The following TCF12 variants were observed in gnomAD, a reference collection of about 807,000 sequenced individuals.
The protein encoded by TCF12 is transcription factor 12, also known as DNA-binding protein HTF4.
Under a neutral mutation model 86.0 loss-of-function variants are expected in TCF12, and 45 were observed. The observed-to-expected ratio is 0.52, with a 90% CI of 0.41 to 0.67. The LOEUF (loss-of-function observed/expected upper bound fraction) is 0.67, where lower values mean the gene tolerates loss of function less well. TCF12 is among the 30% of genes least tolerant of loss of function. TCF12 has a pLI of 0.00. For synonymous variants in TCF12, 330 were observed against 299.6 expected (o/e 1.10, Z -1.05); for missense variants, 881 against 859.9 (o/e 1.02, Z -0.31).
chr15:57,258,508 G>A (rs918905063), intron 16 of TCF12, among the ~76,000 whole-genome samples: 24 of 152,156 alleles, frequency 1.6e-4, no homozygotes, highest in African/African-American at 5.3e-4. Context: ...GAAGCATTTT[G>A]TACTAATGGA....
intron 12 of TCF12, among the ~76,000 whole-genome samples, chr15:57,241,510 C>T (rs1333886292): frequency 6.6e-6 from 1 of 151,986 alleles, no homozygotes; most frequent in Non-Finnish European, 1.5e-5. Flanking sequence ...TGTCTAGATC[C>T]TGAAAATAGA....
intron 3 of TCF12, among the ~76,000 whole-genome samples, chr15:56,995,841 C>T (rs1313310343): frequency 6.6e-6 from 1 of 152,026 alleles, no homozygotes; most frequent in Non-Finnish European, 1.5e-5. Context: ...AATAGAAGTG[C>T]TAAGAGAGGC....
chr15:56,952,193 C>CAT (rs756231262), intron 3 of TCF12, among the ~76,000 whole-genome samples: 13 of 151,604 alleles, frequency 8.6e-5, no homozygotes, highest in Non-Finnish European at 1.6e-4. Flanking sequence ...TGTATATACA[C>CAT]ACACACACAC....
At chr15:57,036,019 TG>T (rs1252685421) in intron 3 of TCF12, among the ~76,000 whole-genome samples, 1 of 152,104 alleles carries the variant, frequency 6.6e-6, no homozygotes, top group African/African-American at 2.4e-5. Flanking sequence ...TGATCCGAAG[TG>T]GAACAGTTTT....
At chr15:57,007,798 CTTTCTTTCTTTCTTTCTTTCTT>C (rs1445176547) in intron 3 of TCF12, among the ~76,000 whole-genome samples, 44 of 134,322 alleles carry the variant, frequency 3.3e-4, no homozygotes, top group Admixed American at 8.1e-4. Context: ...TTCTCTCTTT[CTTTCTTTCTTTCTTTCTTTCTT>C]TTTCTTTCTT....
chr15:57,003,282 G>A (rs2064156511), intron 3 of TCF12, among the ~76,000 whole-genome samples: 2 of 152,106 alleles, frequency 1.3e-5, no homozygotes, highest in Admixed American at 1.3e-4. Context: ...ACAGGGTTAG[G>A]TACCTGTGAG....
chr15:57,118,395 A>G (rs2050990717), intron 5 of TCF12: 1 of 152,172 alleles, frequency 6.6e-6, no homozygotes, highest in Non-Finnish European at 1.5e-5. Context: ...ATACAGATGA[A>G]GGTCCTCTTT....
chr15:56,977,124 T>C (rs59587271), intron 3 of TCF12, among the ~76,000 whole-genome samples: 2,629 of 152,186 alleles, frequency 0.017, 84 homozygotes, highest in African/African-American at 0.056. Context: ...ACAAAATGGG[T>C]GACTTAAAAT....
rs556003813 is a variant in TCF12 at position 57,174,365 on chromosome 15, A to G, written c.390+7899A>G. ...GAAAAGATATTTGACAAAATTGAAT[A>G]CTCATGATAAAATCTCTCAGCAAGC... On this transcript the variant is annotated intron_variant, in intron 6 of 20. Coordinates refer to ENST00000333725, the MANE Select transcript of TCF12 (RefSeq NM_207037.2). Among the ~76,000 whole-genome samples the G allele has an allele frequency of 2.6e-5, 4 of 152,338 alleles. No individual in the cohort carries two copies. In the South Asian group the frequency reaches 8.3e-4, roughly 32 times the overall value.
In TCF12 at chr15:56,962,656, A is replaced by C. The variant is rs1017802957; in HGVS notation, c.148+41558A>C. Among the ~76,000 whole-genome samples, 17 of 152,318 alleles carry C rather than the reference A, an allele frequency of 1.1e-4. 1 individual carries two copies. Among genetic ancestry groups the C allele is most frequent in the Middle Eastern group, 3.4e-3 (1 of 294 alleles). ...TTCCAATTAGTGATGTAACCTACTTAGGCCTCAGTTTTCTCATTGAACAGA... is the reference window on the plus strand; with the variant it reads ...TTCCAATTAGTGATGTAACCTACTTCGGCCTCAGTTTTCTCATTGAACAGA... On this transcript the variant is annotated intron_variant, in intron 3 of 20. Coordinates refer to ENST00000333725, the MANE Select transcript of TCF12 (RefSeq NM_207037.2).
intron 3 of TCF12, among the ~76,000 whole-genome samples, chr15:56,980,619 A>G (rs984462864): frequency 1.3e-5 from 2 of 152,202 alleles, no homozygotes; most frequent in Non-Finnish European, 2.9e-5. Context: ...CCTGCTGTTC[A>G]TAGTCTTTAT....
intron 5 of TCF12, among the ~76,000 whole-genome samples, chr15:57,109,625 A>T (rs1407358701): frequency 2.0e-5 from 3 of 152,172 alleles, no homozygotes; most frequent in African/African-American, 7.2e-5. Context: ...CAGATTATTT[A>T]TCTTAACCTA....
At chr15:57,053,944 T>C (rs2067810213) in intron 3 of TCF12, among the ~76,000 whole-genome samples, 1 of 152,222 alleles carries the variant, frequency 6.6e-6, no homozygotes, top group Non-Finnish European at 1.5e-5. Flanking sequence ...TTGGTTTTGC[T>C]GGTGTGATCC....
At chr15:57,235,282 A>T (rs1048122069) in intron 12 of TCF12, among the ~76,000 whole-genome samples, 1 of 152,206 alleles carries the variant, frequency 6.6e-6, no homozygotes, top group Non-Finnish European at 1.5e-5. Context: ...TGTTTCATTT[A>T]ATCCTCAAGA....
At chr15:56,977,382 A>T (rs1384625777) in intron 3 of TCF12, among the ~76,000 whole-genome samples, 1 of 152,114 alleles carries the variant, frequency 6.6e-6, no homozygotes, top group African/African-American at 2.4e-5. Flanking sequence ...AAAATATAAC[A>T]AGTAGCCAAG....
intron 3 of TCF12, among the ~76,000 whole-genome samples, chr15:56,976,075 A>G (rs965878720): frequency 1.2e-4 from 19 of 152,072 alleles, no homozygotes; most frequent in African/African-American, 4.1e-4. Context: ...GACTCTTTAT[A>G]AGATCACTAG....
At chr15:57,096,446 T>C (rs1288437298) in intron 5 of TCF12, among the ~76,000 whole-genome samples, 3 of 152,092 alleles carry the variant, frequency 2.0e-5, no homozygotes, top group Non-Finnish European at 4.4e-5. Context: ...AATAGCATCA[T>C]GTTAATAGAA....
chr15:56,932,836 A>G (rs2060306679), intron 3 of TCF12, among the ~76,000 whole-genome samples: 2 of 152,194 alleles, frequency 1.3e-5, no homozygotes, highest in Non-Finnish European at 2.9e-5. Context: ...GGTGTGAGCT[A>G]CTGTGCCTGG....
intron 3 of TCF12, among the ~76,000 whole-genome samples, chr15:56,993,940 C>T (rs1212501612): frequency 1.3e-5 from 2 of 152,048 alleles, no homozygotes; most frequent in Non-Finnish European, 1.5e-5. Flanking sequence ...ATGATAATAA[C>T]GTTGGAATTA....
Sources: allele counts gnomAD v4.1 joint callset (sites outside exome capture counted in the v4.1 genomes callset), GRCh38; gene constraint gnomAD v4.1.1; transcripts MANE v1.5; gene names NCBI Gene and HGNC (gene_info 2026-07-23, HGNC 2026-07-21).